DYNC2H1: variants seen among roughly 807,000 people sequenced by gnomAD.
DYNC2H1 encodes the protein cytoplasmic dynein 2 heavy chain 1.
In DYNC2H1, 410 loss-of-function variants were observed where a neutral mutation model predicts 570.0. The ratio of observed to expected loss-of-function variants is 0.72; its 90% CI spans 0.66 to 0.78. The LOEUF (loss-of-function observed/expected upper bound fraction) is 0.78, where lower values mean the gene tolerates loss of function less well. Among genes scored for constraint, DYNC2H1 ranks in the 30% least tolerant of loss-of-function variants. DYNC2H1 has a pLI of 0.00. For missense variants in DYNC2H1, 4,865 were observed against 5,046.4 expected, an observed-to-expected ratio of 0.96 and a Z score of 1.09; for synonymous variants, 1,688 against 1,677.6, an observed-to-expected ratio of 1.01 and a Z score of -0.15.
chr11:103,258,278 T>C (rs1865142550), intron 69 of DYNC2H1, among the ~76,000 whole-genome samples: 1 of 152,244 alleles, frequency 6.6e-6, no homozygotes, highest in African/African-American at 2.4e-5. Flanking sequence ...TGGACAGCTT[T>C]CCTACCAGTG....
chr11:103,397,984 G>T (rs984779834), intron 83 of DYNC2H1, among the ~76,000 whole-genome samples: 1 of 152,184 alleles, frequency 6.6e-6, no homozygotes, highest in Non-Finnish European at 1.5e-5. Context: ...CTAAGTTTGA[G>T]TGTTTTTGTT....
intron 83 of DYNC2H1, among the ~76,000 whole-genome samples, chr11:103,372,067 G>T (rs1448013884): frequency 7.6e-6 from 1 of 131,312 alleles, no homozygotes; most frequent in Non-Finnish European, 1.6e-5. Flanking sequence ...TTGAGGCAGG[G>T]TCTCACTCTG....
chr11:103,469,098 A>G (rs1166916105), intron 88 of DYNC2H1, among the ~76,000 whole-genome samples: 1 of 152,164 alleles, frequency 6.6e-6, no homozygotes, highest in Non-Finnish European at 1.5e-5. Flanking sequence ...TCCCACTTTC[A>G]AATGAGGAAA....
chr11:103,205,682 G>GA lies in DYNC2H1; in HGVS notation c.8454+726dup, dbSNP rs1047632749. ...TATATATGTTGAGGACATAGCAGAC[G>GA]AAAAAAAACCAGAGAGAAATCCCTG... On this transcript the variant is annotated intron_variant, in intron 52 of 88. Transcript: ENST00000375735. The surrounding 1 kb of genome is among the most constrained non-coding windows in gnomAD (Gnocchi z 4.5). Among the ~76,000 whole-genome samples the GA allele has an allele frequency of 2.6e-5, 4 of 151,778 alleles. No homozygotes were observed. Among genetic ancestry groups the GA allele is most frequent in the Admixed American group, 6.6e-5 (1 of 15,228 alleles).
chr11:103,363,065 A>G lies in DYNC2H1; in HGVS notation c.12156+4706A>G, dbSNP rs1940738486. ...AAATAAATAAATAATATAATATAATATAACAGGCATTTCATTTAAGTATAC... is the reference window on the plus strand; with the variant it reads ...AAATAAATAAATAATATAATATAATGTAACAGGCATTTCATTTAAGTATAC... On this transcript the variant is annotated intron_variant, in intron 83 of 88. Transcript: ENST00000375735. The surrounding 1 kb of genome is among the most constrained non-coding windows in gnomAD (Gnocchi z 5.6). Among the ~76,000 whole-genome samples the G allele has an allele frequency of 6.6e-6, 1 of 151,836 alleles. No individual in the cohort carries two copies. Among genetic ancestry groups the G allele is most frequent in the East Asian group, 1.9e-4 (1 of 5,178 alleles).
intron 17 of DYNC2H1, among the ~76,000 whole-genome samples, chr11:103,142,538 G>A (rs1203434214): frequency 6.6e-6 from 1 of 151,866 alleles, no homozygotes; most frequent in Non-Finnish European, 1.5e-5. Context: ...GCATGGTGGT[G>A]GTCACCTGTA....
rs544600765 is a variant in DYNC2H1 at position 103,154,605 on chromosome 11, C to T, written c.3457C>T (p.Arg1153Trp). The stretch of plus-strand genomic sequence containing the variant: ...GGCCAATGAAGACTGGATCACTTTT[C>T]GGTTTGATTCAAAAACAATATTTAG... ...EMANEDWITF[R>W]TKTYLFEEFL... The change falls in exon 23 of 89, where the codon CGG (arginine) becomes TGG (tryptophan). Residue 1153 changes from arginine to tryptophan, a missense_variant and splice_region_variant. Physicochemically the swap from Arg to Trp is moderately radical, Grantham distance 101 (BLOSUM62 -3). Around this residue, in one of 5 missense-constraint regions of DYNC2H1, gnomAD observed 1,936 missense variants for 1,962.1 expected, o/e 0.99. Transcript: ENST00000375735. The T allele has an allele frequency of 1.0e-4, 163 of 1,589,180 alleles. 2 individuals carry two copies. The South Asian group carries it at 1.4e-3, about 14-fold the overall frequency.
At chr11:103,230,862 T>A (rs1419874614) in intron 59 of DYNC2H1, among the ~76,000 whole-genome samples, 1 of 152,150 alleles carries the variant, frequency 6.6e-6, no homozygotes, top group Non-Finnish European at 1.5e-5. Flanking sequence ...AGAGTGAGAC[T>A]CTGTCTCTTA....
intron 43 of DYNC2H1, 106 bp downstream of exon 43, chr11:103,187,692 C>G: frequency 7.3e-7 from 1 of 1,363,206 alleles, no homozygotes; most frequent in South Asian, 1.4e-5. Context: ...TTTTATCTAG[C>G]ATTTGTCATG....
chr11:103,219,546 AG>A (rs1221089240), intron 55 of DYNC2H1, among the ~76,000 whole-genome samples: 4 of 152,180 alleles, frequency 2.6e-5, no homozygotes, highest in African/African-American at 9.7e-5. Flanking sequence ...CAGGAGGTGG[AG>A]GTTGAAGTGA....
At chr11:103,179,505 G>A (rs1861762424) in intron 39 of DYNC2H1, among the ~76,000 whole-genome samples, 2 of 151,646 alleles carry the variant, frequency 1.3e-5, no homozygotes, top group South Asian at 4.2e-4. Context: ...TTATTTTGTT[G>A]AAATATTGTG....
intron 70 of DYNC2H1, among the ~76,000 whole-genome samples, chr11:103,265,567 T>A (rs917256906): frequency 6.6e-6 from 1 of 152,228 alleles, no homozygotes; most frequent in African/African-American, 2.4e-5. Flanking sequence ...TTTATCATGA[T>A]TTTTAGCTTT....
chr11:103,413,820 A>ATCTT (rs1380133787), intron 84 of DYNC2H1, among the ~76,000 whole-genome samples: 21 of 152,188 alleles, frequency 1.4e-4, no homozygotes, highest in Non-Finnish European at 3.1e-4. Flanking sequence ...AGAATCTTTA[A>ATCTT]TCTTTTGGAA....
At chr11:103,219,516 G>A (rs1284079616) in intron 55 of DYNC2H1, among the ~76,000 whole-genome samples, 2 of 152,160 alleles carry the variant, frequency 1.3e-5, no homozygotes, top group Non-Finnish European at 2.9e-5. Flanking sequence ...TGAGGCTGAG[G>A]TAGGAGAATC....
In DYNC2H1 at chr11:103,205,485, G is replaced by A. The variant is rs1487661300; in HGVS notation, c.8454+521G>A. ...TTTATTTTTCTATAAGAGAAGTATA[G>A]TTTAATGCCTGCCATGATTCAGAGT... On this transcript the variant is annotated intron_variant, in intron 52 of 88. Transcript: ENST00000375735. The surrounding 1 kb of genome is among the most constrained non-coding windows in gnomAD (Gnocchi z 4.5). Among the ~76,000 whole-genome samples, 3 of 152,146 alleles carry A rather than the reference G, an allele frequency of 2.0e-5. No individual in the cohort carries two copies. The highest frequency in any genetic ancestry group is 7.2e-5 in the African/African-American group (3 of 41,446).
At chr11:103,233,611 C>T (rs1864098788) in intron 60 of DYNC2H1, among the ~76,000 whole-genome samples, 1 of 151,618 alleles carries the variant, frequency 6.6e-6, no homozygotes, top group Admixed American at 6.6e-5. Flanking sequence ...CTGAAGAACA[C>T]TGGAGATGAA....
chr11:103,111,173 C>A (rs1398666081), intron 1 of DYNC2H1, among the ~76,000 whole-genome samples: 1 of 152,164 alleles, frequency 6.6e-6, no homozygotes, highest in Non-Finnish European at 1.5e-5. Context: ...TATTCACTAT[C>A]TTTATTCTTA....
intron 4 of DYNC2H1, among the ~76,000 whole-genome samples, chr11:103,115,869 A>G (rs568798400): frequency 1.3e-5 from 2 of 152,344 alleles, no homozygotes; most frequent in East Asian, 3.8e-4. Context: ...AGGTTTATCC[A>G]TGCACAGGTA....
At chr11:103,211,763 T>A in intron 53 of DYNC2H1, 26 bp from the exon 54 acceptor site, 1 of 1,006,298 alleles carries the variant, frequency 9.9e-7, no homozygotes, top group Non-Finnish European at 1.4e-6. Context: ...TATAATAAGT[T>A]ATTTTTATTT....
Sources: allele counts gnomAD v4.1 joint callset (sites outside exome capture counted in the v4.1 genomes callset), GRCh38; gene constraint gnomAD v4.1.1; regional missense constraint gnomAD v4.1.1; non-coding constraint Gnocchi (gnomAD v3.1); transcripts MANE v1.5; gene names NCBI Gene and HGNC (gene_info 2026-07-23, HGNC 2026-07-21).